ADAMTS3: variants seen among roughly 807,000 people sequenced by gnomAD.
ADAMTS3 encodes the protein A disintegrin and metalloproteinase with thrombospondin motifs 3.
In ADAMTS3, 73 loss-of-function variants were observed where a neutral mutation model predicts 129.0. The ratio of observed to expected loss-of-function variants is 0.57; its 90% confidence interval spans 0.47 to 0.69. The LOEUF is 0.69. Among genes scored for constraint, ADAMTS3 ranks in the 30% least tolerant of loss-of-function variants. The probability of loss-of-function intolerance (pLI) is 0.00; values close to 1 mark genes in which losing one functional copy is unlikely to be tolerated. For missense variants in ADAMTS3, 1,457 were observed against 1,514.5 expected, an observed-to-expected ratio of 0.96 and a Z score of 0.63; for synonymous variants, 477 against 510.8, an observed-to-expected ratio of 0.93 and a Z score of 0.89.
At chr4:72,331,562 C>A (rs1470252215) in intron 5 of ADAMTS3, among the ~76,000 whole-genome samples, 1 of 152,126 alleles carries the variant, frequency 6.6e-6, no homozygotes, top group Non-Finnish European at 1.5e-5. Context: ...CTTAGTATGG[C>A]ACTTATTATT....
chr4:72,392,723 T>G (rs1721628662), intron 4 of ADAMTS3, among the ~76,000 whole-genome samples: 1 of 152,076 alleles, frequency 6.6e-6, no homozygotes, highest in Non-Finnish European at 1.5e-5. Context: ...GCCAAGGGGA[T>G]AGGGGAATAT....
intron 3 of ADAMTS3, among the ~76,000 whole-genome samples, chr4:72,430,705 G>A (rs1722676250): frequency 6.6e-6 from 1 of 151,878 alleles, no homozygotes; most frequent in African/African-American, 2.4e-5. Flanking sequence ...TAGAGTTAAT[G>A]TAGAGAAAGG....
intron 4 of ADAMTS3, among the ~76,000 whole-genome samples, chr4:72,385,515 G>T (rs1008848163): frequency 1.3e-5 from 2 of 152,008 alleles, no homozygotes; most frequent in Non-Finnish European, 2.9e-5. Context: ...TAAGTGAAAT[G>T]CTCCCTCCAA....
intron 4 of ADAMTS3, among the ~76,000 whole-genome samples, chr4:72,364,106 G>C (rs1470676281): frequency 6.6e-6 from 1 of 152,044 alleles, no homozygotes; most frequent in East Asian, 1.9e-4. Context: ...AGGGAACCTA[G>C]GAATCATCCA....
chr4:72,466,275 A>G (rs1472639200), intron 3 of ADAMTS3, among the ~76,000 whole-genome samples: 2 of 152,020 alleles, frequency 1.3e-5, no homozygotes, highest in African/African-American at 4.8e-5. Flanking sequence ...ATGTAGAAGA[A>G]GAGGCTAGAG....
intron 3 of ADAMTS3, among the ~76,000 whole-genome samples, chr4:72,522,971 A>G (rs1309646075): frequency 9.9e-5 from 15 of 152,232 alleles, no homozygotes; most frequent in Non-Finnish European, 2.2e-4. Flanking sequence ...TTAATCCCAC[A>G]AGAAAGAAAA....
At chr4:72,357,222 T>G (rs77346090) in intron 4 of ADAMTS3, among the ~76,000 whole-genome samples, 2,616 of 152,040 alleles carry the variant, frequency 0.017, 57 homozygotes, top group African/African-American at 0.06. Context: ...GCAATGGAAG[T>G]TGAAATATGT....
intron 5 of ADAMTS3, among the ~76,000 whole-genome samples, chr4:72,332,685 A>G (rs1009063753): frequency 4.6e-5 from 7 of 152,170 alleles, no homozygotes; most frequent in African/African-American, 1.4e-4. Context: ...TTGACCTGTC[A>G]CAGACAGCAG....
At chr4:72,519,171 T>C (rs1195800973) in intron 3 of ADAMTS3, among the ~76,000 whole-genome samples, 1 of 152,164 alleles carries the variant, frequency 6.6e-6, no homozygotes, top group Non-Finnish European at 1.5e-5. Flanking sequence ...TGGCCCCCAC[T>C]CTCTTCTGGC....
At chr4:72,428,958 C>T (rs538448942) in intron 3 of ADAMTS3, among the ~76,000 whole-genome samples, 2 of 152,100 alleles carry the variant, frequency 1.3e-5, no homozygotes, top group Admixed American at 6.6e-5. Context: ...GAAAGTAGGT[C>T]GCAAACTTTA....
rs537124047 is a variant in ADAMTS3 at position 72,466,815 on chromosome 4, G to T, written c.505-51844C>A. On this transcript the variant is annotated intron_variant, in intron 3 of 21. Transcript: ENST00000286657. ...ATATGAGATGATACCCAGAGTAATA[G>T]AATGGAAAAGGCTGTAATTTAGGGT... Among the ~76,000 whole-genome samples the T allele has an allele frequency of 3.3e-5, 5 of 152,048 alleles. No individual in the cohort carries two copies. The East Asian group carries it at 7.8e-4, about 24-fold the overall frequency.
rs116655511 is a variant in ADAMTS3 at position 72,548,352 on chromosome 4, T to C, written c.504+126A>G. 2.5e-3 allele frequency: 2,623 copies of C among 1,039,332 alleles called. 58 individuals are homozygous for C. The African/African-American group carries it at 0.034, about 14-fold the overall frequency. The allele number at this position is 1,039,332 out of a possible 1,614,324, so 64.4% of individuals were successfully genotyped here. ...ACAGCAAAATGCTTTCTAGTGTCTT[T>C]TTCTGAACTTAAAATGTAACATAAC... On this transcript the variant is annotated intron_variant, in intron 3 of 21. Coordinates refer to ENST00000286657, the MANE Select transcript of ADAMTS3 (RefSeq NM_014243.3).
intron 4 of ADAMTS3, among the ~76,000 whole-genome samples, chr4:72,405,134 C>T (rs546887876): frequency 8.2e-4 from 125 of 152,132 alleles, no homozygotes; most frequent in African/African-American, 2.7e-3. Flanking sequence ...TATGTTGAGG[C>T]TCCTGAGAAT....
intron 3 of ADAMTS3, among the ~76,000 whole-genome samples, chr4:72,520,920 C>T (rs1360817410): frequency 6.6e-6 from 1 of 152,122 alleles, no homozygotes. Context: ...GCAGAAATCA[C>T]CCGTCTTCTG....
chr4:72,566,543 A>C (rs1314840069), intron 2 of ADAMTS3, among the ~76,000 whole-genome samples: 1 of 152,242 alleles, frequency 6.6e-6, no homozygotes, highest in Non-Finnish European at 1.5e-5. Flanking sequence ...TTACAATATC[A>C]CCTGACAAAT....
At chr4:72,355,292 A>G (rs1032996474) in intron 4 of ADAMTS3, among the ~76,000 whole-genome samples, 1 of 151,984 alleles carries the variant, frequency 6.6e-6, no homozygotes, top group Admixed American at 6.6e-5. Context: ...AAATATAATT[A>G]ATATATTCAG....
chr4:72,440,237 G>T (rs139273930), intron 3 of ADAMTS3, among the ~76,000 whole-genome samples: 1 of 151,752 alleles, frequency 6.6e-6, no homozygotes, highest in African/African-American at 2.4e-5. Flanking sequence ...TAGACATGAA[G>T]GTCTAAATTC....
chr4:72,447,755 C>CA (rs1212189441), intron 3 of ADAMTS3, among the ~76,000 whole-genome samples: 1 of 151,664 alleles, frequency 6.6e-6, no homozygotes, highest in Non-Finnish European at 1.5e-5. Context: ...CTCTAAAAGG[C>CA]AAAACCGGTG....
chr4:72,483,758 G>A (rs1347768628), intron 3 of ADAMTS3, among the ~76,000 whole-genome samples: 6 of 152,284 alleles, frequency 3.9e-5, no homozygotes, highest in Admixed American at 6.5e-5. Flanking sequence ...GGTGGCTCAC[G>A]CCTGTAATCC....
Sources: gnomAD v4.1 joint callset for allele counts (sites outside exome capture counted in the v4.1 genomes callset) on GRCh38, gnomAD v4.1.1 for gene constraint, MANE v1.5 for transcripts, NCBI Gene and HGNC (gene_info 2026-07-23, HGNC 2026-07-21) for gene names.